SIMC1: variants seen among roughly 807,000 people sequenced by gnomAD.
SIMC1 encodes SUMO interacting motifs containing 1, also known as SUMO-interacting motif-containing protein 1.
In SIMC1, 55 loss-of-function variants were observed where a neutral mutation model predicts 82.3. The observed-to-expected ratio is 0.67, with a 90% CI of 0.54 to 0.84. The LOEUF (loss-of-function observed/expected upper bound fraction) is 0.84, where lower values mean the gene tolerates loss of function less well. Among genes scored for constraint, SIMC1 ranks in the 40% least tolerant of loss-of-function variants. The pLI, the probability that SIMC1 is intolerant of heterozygous loss-of-function variation, is 0.00. For synonymous variants in SIMC1, 353 were observed against 426.3 expected, an observed-to-expected ratio of 0.83 and a Z score of 2.12; for missense variants, 915 against 1,107.2, an observed-to-expected ratio of 0.83 and a Z score of 2.46.
intron 1 of SIMC1, among the ~76,000 whole-genome samples, chr5:176,259,520 C>G (rs1343830763): frequency 6.6e-6 from 1 of 152,196 alleles, no homozygotes; most frequent in Non-Finnish European, 1.5e-5. Context: ...CGCCTATAAT[C>G]CCAACACTTT....
chr5:176,294,619 G>A (rs1343043915), intron 2 of SIMC1, among the ~76,000 whole-genome samples: 1 of 150,592 alleles, frequency 6.6e-6, no homozygotes, highest in Non-Finnish European at 1.5e-5. Context: ...CAAATGCCTG[G>A]AAAACTTTGC....
chr5:176,341,072 G>A (rs555308185), intron 9 of SIMC1, among the ~76,000 whole-genome samples: 45 of 152,276 alleles, frequency 3.0e-4, no homozygotes, highest in African/African-American at 9.1e-4. Flanking sequence ...GGTTGAACCC[G>A]GGAGGCAGAG....
chr5:176,268,911 G>C (rs1333440452), intron 1 of SIMC1, among the ~76,000 whole-genome samples: 3 of 152,198 alleles, frequency 2.0e-5, no homozygotes, highest in Non-Finnish European at 2.9e-5. Context: ...AGGGTAGGCT[G>C]TGTGTTAGGA....
At chr5:176,298,975 T>C (rs781419427) in intron 4 of SIMC1, among the ~76,000 whole-genome samples, 14 of 152,258 alleles carry the variant, frequency 9.2e-5, no homozygotes, top group Non-Finnish European at 1.6e-4. Context: ...TCCCTGTCAG[T>C]AATTATTTTA....
At chr5:176,251,252 C>T (rs111896415) in intron 1 of SIMC1, among the ~76,000 whole-genome samples, 2 of 152,088 alleles carry the variant, frequency 1.3e-5, no homozygotes, top group Non-Finnish European at 2.9e-5. Context: ...CCCAGCTACT[C>T]GGGAGGCTGA....
intron 3 of SIMC1, 53 bp downstream of exon 3, chr5:176,295,315 A>C (rs561261977): frequency 3.4e-5 from 52 of 1,528,732 alleles, no homozygotes; most frequent in African/African-American, 1.4e-5. Flanking sequence ...TCTTGGACTC[A>C]GGGCATAGCT....
At chr5:176,330,160 G>A (rs1765576836) in intron 7 of SIMC1, among the ~76,000 whole-genome samples, 1 of 152,130 alleles carries the variant, frequency 6.6e-6, no homozygotes, top group Non-Finnish European at 1.5e-5. Flanking sequence ...CAGCACTTTG[G>A]GAGGCCAAGG....
At chr5:176,328,169 T>C (rs527830193) in intron 7 of SIMC1, among the ~76,000 whole-genome samples, 2 of 152,336 alleles carry the variant, frequency 1.3e-5, no homozygotes, top group South Asian at 4.1e-4. Flanking sequence ...CCCAAGATGC[T>C]GGGATTACAG....
At chr5:176,245,435 C>T (rs973372039) in intron 1 of SIMC1, among the ~76,000 whole-genome samples, 13 of 152,186 alleles carry the variant, frequency 8.5e-5, no homozygotes, top group Admixed American at 5.2e-4. Context: ...CTTTAGCCTC[C>T]AGGACTGTGA....
Position 176,313,759 on chromosome 5 carries a change from G to A in SIMC1, c.1803G>A (p.Gln601=). 1 of 1,613,990 alleles carries A rather than the reference G, an allele frequency of 6.2e-7. No individual in the cohort carries two copies. The highest frequency in any genetic ancestry group is 8.5e-7 in the Non-Finnish European group (1 of 1,179,876). Residue 601 remains glutamine, a synonymous_variant, in exon 5 of 10, where the codon CAG becomes CAA. Transcript: ENST00000429602. The part of the protein sequence containing the change: ...YVVQTLEDDF[Q]QTLRRQRQHL... ...TTCAGACCCTAGAAGATGACTTTCA[G>A]CAGACCCTGAGGAGGCAACGGCAGC...
chr5:176,266,180 G>C (rs1243530212), intron 1 of SIMC1, among the ~76,000 whole-genome samples: 2 of 152,064 alleles, frequency 1.3e-5, no homozygotes, highest in African/African-American at 4.8e-5. Context: ...GGTGATATCT[G>C]TGACTTTGCG....
chr5:176,245,145 G>C (rs1253645205), intron 1 of SIMC1, among the ~76,000 whole-genome samples: 1 of 152,184 alleles, frequency 6.6e-6, no homozygotes, highest in Admixed American at 6.5e-5. Flanking sequence ...ACCTTATTTA[G>C]AAATAGGGTC....
intron 4 of SIMC1, among the ~76,000 whole-genome samples, chr5:176,309,501 C>T (rs1266842314): frequency 3.9e-5 from 6 of 151,946 alleles, no homozygotes; most frequent in Admixed American, 6.5e-5. Flanking sequence ...AAAGCATATC[C>T]GTAAAAGATA....
At chr5:176,314,703 T>C (rs1764824389) in intron 5 of SIMC1, among the ~76,000 whole-genome samples, 1 of 151,994 alleles carries the variant, frequency 6.6e-6, no homozygotes, top group Non-Finnish European at 1.5e-5. Flanking sequence ...ATCTTTAGGG[T>C]AGGGGATTGT....
chr5:176,246,407 G>GT (rs1761444036), intron 1 of SIMC1, among the ~76,000 whole-genome samples: 1 of 136,972 alleles, frequency 7.3e-6, no homozygotes, highest in African/African-American at 2.7e-5. Context: ...ATAGTTCAGG[G>GT]GTGTGTGTGT....
rs1764860849 is a variant in SIMC1, at chr5:176,315,511, T to C, written c.1889+1666T>C. The stretch of plus-strand genomic sequence containing the variant: ...TATCCAGATGTAACCCCATCATAGG[T>C]TGAGCATCCGAACATCCCTTGCTTT... On this transcript the variant is annotated intron_variant, in intron 5 of 9. Coordinates refer to ENST00000429602, the MANE Select transcript of SIMC1 (RefSeq NM_001308195.2). Among the ~76,000 whole-genome samples, 2 of 152,318 alleles carry C rather than the reference T, an allele frequency of 1.3e-5. 1 individual carries two copies. The highest frequency in any genetic ancestry group is 4.1e-4 in the South Asian group (2 of 4,828).
chr5:176,261,747 C>CA (rs370484804), intron 1 of SIMC1, among the ~76,000 whole-genome samples: 9,863 of 120,918 alleles, frequency 0.082, 1,110 homozygotes, highest in African/African-American at 0.27. Flanking sequence ...GACTCTGTCT[C>CA]AAAAAAAAAA....
chr5:176,313,289 TGA>T, intron 4 of SIMC1: 1 of 1,438,034 alleles, frequency 7.0e-7, no homozygotes, highest in Non-Finnish European at 9.1e-7. Flanking sequence ...GGGTATATCC[TGA>T]GGTTGATAGG....
intron 1 of SIMC1, among the ~76,000 whole-genome samples, chr5:176,251,021 G>T (rs563811297): frequency 3.3e-5 from 5 of 152,212 alleles, no homozygotes; most frequent in African/African-American, 1.2e-4. Flanking sequence ...TGGTTGTTTT[G>T]CCCATTAGTT....
Sources: gnomAD v4.1 joint callset for allele counts (sites outside exome capture counted in the v4.1 genomes callset) on GRCh38, gnomAD v4.1.1 for gene constraint, MANE v1.5 for transcripts, NCBI Gene and HGNC (gene_info 2026-07-23, HGNC 2026-07-21) for gene names.